MTREX: variants seen among roughly 807,000 people sequenced by gnomAD.
The protein encoded by MTREX is Mtr4 exosome RNA helicase, also known as exosome RNA helicase MTR4.
A neutral mutation model predicts 135.4 loss-of-function variants in MTREX; 76 were observed. The ratio of observed to expected loss-of-function variants is 0.56; its 90% CI spans 0.47 to 0.68. MTREX has a LOEUF of 0.68. Among genes scored for constraint, MTREX ranks in the 30% least tolerant of loss-of-function variants. MTREX has a pLI of 0.00. For synonymous variants in MTREX, 404 were observed against 401.6 expected (o/e 1.01, Z -0.07); for missense variants, 920 against 1,262.1 (o/e 0.73, Z 4.11).
intron 1 of MTREX, among the ~76,000 whole-genome samples, chr5:55,310,337 G>C (rs772885910): frequency 6.6e-6 from 1 of 152,228 alleles, no homozygotes; most frequent in Admixed American, 6.5e-5. Flanking sequence ...CTGGCCGGGC[G>C]TGGTGGCTCA....
intron 1 of MTREX, among the ~76,000 whole-genome samples, chr5:55,312,787 A>AG (rs1240967920): frequency 1.3e-5 from 2 of 152,178 alleles, no homozygotes; most frequent in Non-Finnish European, 2.9e-5. Context: ...TTGAACAGTG[A>AG]GTGCTCTTGA....
chr5:55,411,589 G>A (rs868749991), intron 23 of MTREX, among the ~76,000 whole-genome samples: 2 of 152,222 alleles, frequency 1.3e-5, no homozygotes, highest in Middle Eastern at 3.4e-3. Flanking sequence ...ATTACTTCTT[G>A]AAGTAGATGG....
At position 55,425,064 on chromosome 5, in the gene MTREX, C is replaced by CAA. The variant is rs1448704778; in HGVS notation, c.*294_*295dup. ...TGAGTTAAAGGTAACTATGTACACA[C>CAA]AAAGTGTGCATCCAAGAGGCATAGC... is the stretch of plus-strand genomic sequence containing the variant. On this transcript the variant is annotated 3_prime_UTR_variant, in exon 27 of 27. Coordinates refer to ENST00000230640, the MANE Select transcript of MTREX (RefSeq NM_015360.5). 7.9e-6 allele frequency: 9 copies of CAA among 1,142,964 alleles called. No individual in the cohort carries two copies. Among genetic ancestry groups the CAA allele is most frequent in the Non-Finnish European group, 1.1e-5 (9 of 807,612 alleles). The allele number at this position is 1,142,964 out of a possible 1,614,324, so 70.8% of individuals were successfully genotyped here.
At chr5:55,382,049 G>A (rs1417315622) in intron 18 of MTREX, among the ~76,000 whole-genome samples, 1 of 151,916 alleles carries the variant, frequency 6.6e-6, no homozygotes, top group African/African-American at 2.4e-5. Flanking sequence ...TAAATTTAAA[G>A]TGTGTCTCCT....
chr5:55,340,232 A>G (rs1749622322), intron 6 of MTREX, 48 bp downstream of exon 6: 6 of 1,391,246 alleles, frequency 4.3e-6, no homozygotes, highest in Non-Finnish European at 5.8e-6. Context: ...AATTAAATTA[A>G]TGTGACTATT....
chr5:55,345,843 T>C (rs909126577), intron 10 of MTREX, among the ~76,000 whole-genome samples: 1 of 152,008 alleles, frequency 6.6e-6, no homozygotes, highest in Non-Finnish European at 1.5e-5. Context: ...AATTTTTGTA[T>C]TTTTAGTAGA....
Position 55,422,996 on chromosome 5 carries a change from G to A in MTREX, c.3076+14G>A, listed in dbSNP as rs2111636615. 6.3e-7 allele frequency: 1 copy of A among 1,595,334 alleles called. No individual in the cohort carries two copies. The highest frequency in any genetic ancestry group is 1.3e-5 in the African/African-American group (1 of 74,566). ...AATTTGCAGAAGGTCAGTATCAAAT[G>A]GATAAGCTGTTTCTAATTTAGACAA... is the stretch of plus-strand genomic sequence containing the variant. On this transcript the variant is annotated intron_variant, in intron 26 of 26. Transcript: ENST00000230640.
chr5:55,405,225 C>T (rs372668314), intron 21 of MTREX, 200 bp from the exon 22 acceptor site: 15 of 455,150 alleles, frequency 3.3e-5, no homozygotes, highest in Middle Eastern at 5.8e-4. Context: ...TTTACAGATA[C>T]ATCATTACTC....
chr5:55,308,414 T>G (rs1272378821), intron 1 of MTREX, among the ~76,000 whole-genome samples: 4 of 152,092 alleles, frequency 2.6e-5, no homozygotes, highest in African/African-American at 9.7e-5. Context: ...ATCTTCGCGG[T>G]TGTCTCCTGC....
At chr5:55,373,721 G>A (rs28526277) in intron 16 of MTREX, among the ~76,000 whole-genome samples, 1 of 151,760 alleles carries the variant, frequency 6.6e-6, no homozygotes, top group East Asian at 1.9e-4. Context: ...TCTAAACTTA[G>A]GACTTGTGAC....
chr5:55,358,883 C>T (rs756251576), intron 15 of MTREX, among the ~76,000 whole-genome samples, 185 bp downstream of exon 15: 47 of 152,174 alleles, frequency 3.1e-4, no homozygotes, highest in Non-Finnish European at 6.3e-4. Context: ...TCCTACTTCA[C>T]CTAATAGGTG....
intron 18 of MTREX, among the ~76,000 whole-genome samples, chr5:55,382,688 A>T (rs982132349): frequency 2.0e-5 from 3 of 151,870 alleles, no homozygotes; most frequent in East Asian, 3.9e-4. Flanking sequence ...CCTGGAGTGC[A>T]GTGACACAAT....
intron 25 of MTREX, 128 bp from the exon 26 acceptor site, chr5:55,422,749 AT>A: frequency 1.5e-6 from 1 of 672,460 alleles, no homozygotes. Context: ...CCTAACCATG[AT>A]TTACTTCATG....
intron 6 of MTREX, among the ~76,000 whole-genome samples, chr5:55,340,414 A>T (rs556812193): frequency 2.0e-5 from 3 of 151,936 alleles, no homozygotes; most frequent in African/African-American, 7.3e-5. Context: ...TTTTTTCTTC[A>T]GGTATTTTTA....
intron 13 of MTREX, among the ~76,000 whole-genome samples, chr5:55,351,770 A>G (rs921159600): frequency 6.6e-6 from 1 of 152,146 alleles, no homozygotes; most frequent in Non-Finnish European, 1.5e-5. Flanking sequence ...ATTGATATTT[A>G]TACCAAGAAA....
At chr5:55,347,867 T>C (rs953893058) in intron 11 of MTREX, among the ~76,000 whole-genome samples, 3 of 152,126 alleles carry the variant, frequency 2.0e-5, no homozygotes, top group African/African-American at 7.2e-5. Context: ...GCAAGTCACA[T>C]CTTACTTGGG....
chr5:55,409,705 G>C (rs924636931), intron 22 of MTREX, among the ~76,000 whole-genome samples: 1 of 152,188 alleles, frequency 6.6e-6, no homozygotes, highest in Non-Finnish European at 1.5e-5. Flanking sequence ...ATCTGGACTT[G>C]TACATTTTGA....
At chr5:55,398,873 A>AT (rs923910645) in intron 20 of MTREX, among the ~76,000 whole-genome samples, 6 of 152,152 alleles carry the variant, frequency 3.9e-5, no homozygotes, top group African/African-American at 1.4e-4. Context: ...AAGTTAGACT[A>AT]TTTTTTTCTT....
chr5:55,404,603 G>A (rs1445656299), intron 21 of MTREX, among the ~76,000 whole-genome samples: 39 of 152,144 alleles, frequency 2.6e-4, no homozygotes, highest in Admixed American at 2.6e-3. Context: ...AGCTAGAGCT[G>A]CTGGGATTGG....
Sources: allele counts gnomAD v4.1 joint callset (sites outside exome capture counted in the v4.1 genomes callset), GRCh38; gene constraint gnomAD v4.1.1; transcripts MANE v1.5; gene names NCBI Gene and HGNC (gene_info 2026-07-23, HGNC 2026-07-21).